Variants in FSIP1 observed in about 807,000 individuals in gnomAD.
FSIP1 encodes the protein fibrous sheath interacting protein 1, also known as fibrous sheath-interacting protein 1.
FSIP1 carries 65 observed loss-of-function variants against 60.9 expected under a neutral mutation model. The ratio of observed to expected loss-of-function variants is 1.07; its 90% CI spans 0.87 to 1.31. FSIP1 has a LOEUF of 1.31. Ranked by LOEUF, FSIP1 falls within the 40% of genes most tolerant of loss-of-function variation. FSIP1 has a pLI of 0.00. For missense variants in FSIP1, 675 were observed against 665.5 expected (o/e 1.01, Z -0.16); for synonymous variants, 209 against 221.2 (o/e 0.94, Z 0.49).
chr15:39,642,296 C>T (rs1428466750), intron 10 of FSIP1, among the ~76,000 whole-genome samples: 1 of 152,144 alleles, frequency 6.6e-6, no homozygotes, highest in Non-Finnish European at 1.5e-5. Flanking sequence ...TTCCCCTCTC[C>T]CACCCCTGTT....
chr15:39,767,395 G>C (rs1417930587), intron 3 of FSIP1, among the ~76,000 whole-genome samples: 1 of 152,168 alleles, frequency 6.6e-6, no homozygotes, highest in Non-Finnish European at 1.5e-5. Flanking sequence ...TGTAAACTGT[G>C]TCAGCAGCTA....
At chr15:39,674,141 G>A (rs756942509) in intron 10 of FSIP1, among the ~76,000 whole-genome samples, 48 of 150,594 alleles carry the variant, frequency 3.2e-4, no homozygotes, top group African/African-American at 6.9e-4. Flanking sequence ...TGCAAGCTCC[G>A]CCTCCCGGGT....
chr15:39,688,644 T>C (rs1214212656), intron 10 of FSIP1, among the ~76,000 whole-genome samples: 1 of 152,220 alleles, frequency 6.6e-6, no homozygotes, highest in Non-Finnish European at 1.5e-5. Flanking sequence ...GGTATAGGAC[T>C]GCAGAGAAAA....
rs539589564 is a variant in FSIP1 at position 39,628,050 on chromosome 15, T to C, written c.1189-9805A>G. Reference sequence around the variant, plus strand: ...TGGCTGGGTGCAGGTACTGCAGGGTTATGGCCAACACTGTCAACGCCATAG... The same window carrying C: ...TGGCTGGGTGCAGGTACTGCAGGGTCATGGCCAACACTGTCAACGCCATAG... On this transcript the variant is annotated intron_variant, in intron 10 of 11. Coordinates refer to ENST00000350221, the MANE Select transcript of FSIP1 (RefSeq NM_152597.5). Among the ~76,000 whole-genome samples the C allele has an allele frequency of 2.0e-5, 3 of 152,308 alleles. No homozygotes were observed. In the East Asian group the frequency reaches 5.8e-4, roughly 29 times the overall value.
intron 9 of FSIP1, among the ~76,000 whole-genome samples, chr15:39,725,943 C>T (rs571113236): frequency 6.6e-6 from 1 of 152,098 alleles, no homozygotes; most frequent in African/African-American, 2.4e-5. Context: ...CACCACCACA[C>T]CCAGCTAATT....
chr15:39,739,078 C>T (rs1398291064), intron 7 of FSIP1, among the ~76,000 whole-genome samples: 1 of 152,166 alleles, frequency 6.6e-6, no homozygotes, highest in Non-Finnish European at 1.5e-5. Context: ...CCCAGGAACC[C>T]CTGCGCCCTT....
intron 10 of FSIP1, among the ~76,000 whole-genome samples, chr15:39,667,968 C>T (rs987649315): frequency 2.6e-5 from 4 of 152,156 alleles, no homozygotes; most frequent in Middle Eastern, 3.4e-3. Flanking sequence ...TTATTAAAGT[C>T]CTGAGAAGCA....
At chr15:39,642,447 G>A (rs1244552649) in intron 10 of FSIP1, among the ~76,000 whole-genome samples, 2 of 152,126 alleles carry the variant, frequency 1.3e-5, no homozygotes, top group African/African-American at 4.8e-5. Context: ...ACTTGGGGGC[G>A]GCTCTTAGCA....
intron 10 of FSIP1, among the ~76,000 whole-genome samples, chr15:39,693,944 AAAAAAAATGAT>A (rs1052731075): frequency 6.6e-6 from 1 of 150,984 alleles, no homozygotes; most frequent in African/African-American, 2.5e-5. Context: ...TCTCATCACA[AAAAAAAATGAT>A]AAGAAGGTGA....
chr15:39,725,706 C>T (rs953887508), intron 9 of FSIP1, among the ~76,000 whole-genome samples: 1 of 152,144 alleles, frequency 6.6e-6, no homozygotes, highest in Non-Finnish European at 1.5e-5. Flanking sequence ...ACCACCCAAA[C>T]CAAACCAGAT....
At chr15:39,719,379 G>A (rs1161079714) in intron 9 of FSIP1, among the ~76,000 whole-genome samples, 1 of 152,200 alleles carries the variant, frequency 6.6e-6, no homozygotes, top group Non-Finnish European at 1.5e-5. Context: ...TATGCCACAA[G>A]AAGAGAACTG....
intron 10 of FSIP1, among the ~76,000 whole-genome samples, chr15:39,622,675 C>T (rs578242884): frequency 6.6e-6 from 1 of 152,238 alleles, no homozygotes; most frequent in Admixed American, 6.5e-5. Context: ...GAAACTGAAG[C>T]ACTAAGAAAT....
chr15:39,623,593 C>G (rs1255310425), intron 10 of FSIP1, among the ~76,000 whole-genome samples: 1 of 152,132 alleles, frequency 6.6e-6, no homozygotes, highest in Non-Finnish European at 1.5e-5. Flanking sequence ...CTATTGCAAC[C>G]ACTACTGGCA....
At chr15:39,649,349 A>G (rs954082238) in intron 10 of FSIP1, among the ~76,000 whole-genome samples, 1 of 152,234 alleles carries the variant, frequency 6.6e-6, no homozygotes, top group Non-Finnish European at 1.5e-5. Flanking sequence ...AATATATTTT[A>G]GTCATAAAGA....
At chr15:39,622,536 A>G (rs755463384) in intron 10 of FSIP1, among the ~76,000 whole-genome samples, 2 of 152,244 alleles carry the variant, frequency 1.3e-5, no homozygotes, top group Non-Finnish European at 2.9e-5. Flanking sequence ...CTTACAGAAT[A>G]ATAATAAATA....
intron 10 of FSIP1, among the ~76,000 whole-genome samples, chr15:39,682,152 A>G (rs1377187319): frequency 1.3e-5 from 2 of 152,202 alleles, no homozygotes; most frequent in Admixed American, 6.5e-5. Flanking sequence ...CTTTATACAA[A>G]TGATATACTG....
At chr15:39,642,554 C>T (rs1298316094) in intron 10 of FSIP1, among the ~76,000 whole-genome samples, 2 of 152,188 alleles carry the variant, frequency 1.3e-5, no homozygotes, top group African/African-American at 2.4e-5. Flanking sequence ...AATGCACACA[C>T]GTGTTTTCAG....
At chr15:39,625,405 C>T (rs144029074) in intron 10 of FSIP1, among the ~76,000 whole-genome samples, 10 of 152,236 alleles carry the variant, frequency 6.6e-5, no homozygotes, top group Non-Finnish European at 1.5e-4. Context: ...ACATGGCTTG[C>T]CGGGGACATA....
intron 10 of FSIP1, among the ~76,000 whole-genome samples, chr15:39,648,046 A>T (rs976111610): frequency 6.6e-6 from 1 of 151,998 alleles, no homozygotes; most frequent in African/African-American, 2.4e-5. Context: ...GAGGGATAGC[A>T]TTGGGAGATA....
Sources: gnomAD v4.1 joint callset for allele counts (sites outside exome capture counted in the v4.1 genomes callset) on GRCh38, gnomAD v4.1.1 for gene constraint, MANE v1.5 for transcripts, NCBI Gene and HGNC (gene_info 2026-07-23, HGNC 2026-07-21) for gene names.